TCP1: variants seen among roughly 807,000 people sequenced by gnomAD.
TCP1 encodes T-complex protein 1 subunit alpha.
In TCP1, 6 loss-of-function variants were observed where a neutral mutation model predicts 54.7. The ratio of observed to expected loss-of-function variants is 0.11; its 90% CI spans 0.06 to 0.22. The LOEUF (loss-of-function observed/expected upper bound fraction) is 0.22. Ranked by LOEUF, TCP1 falls within the 10% of genes least tolerant of loss-of-function variation. TCP1 has a pLI of 1.00. For synonymous variants in TCP1, 225 were observed against 229.7 expected (o/e 0.98, Z 0.19); for missense variants, 511 against 678.2 (o/e 0.75, Z 2.74).
Position 159,784,840 on chromosome 6 carries a change from C to T in TCP1, c.496G>A (p.Asp166Asn). The T allele has an allele frequency of 6.2e-7, 1 of 1,614,090 alleles. No homozygotes were observed. Among genetic ancestry groups the T allele is most frequent in the Non-Finnish European group, 8.5e-7 (1 of 1,180,032 alleles). The change falls in exon 6 of 12, where the codon GAT becomes AAT. Residue 166 changes from aspartate to asparagine, a missense_variant. Asp to Asn is a conservative substitution (Grantham distance 23). Around this residue, in one of 5 missense-constraint regions of TCP1, gnomAD observed 305 missense variants for 352.8 expected, o/e 0.86. Coordinates refer to ENST00000321394, the MANE Select transcript of TCP1 (RefSeq NM_030752.3). ...TCTACTACCATGTTAGCAAAGAAATCACCATTTCTACGCCAAAAGTTAAGG... is the reference window on the plus strand; with the variant it reads ...TCTACTACCATGTTAGCAAAGAAATTACCATTTCTACGCCAAAAGTTAAGG... ...MSSKIIGING[D>N]FFANMVVDAV...
rs2114994816 is a variant in TCP1, at chr6:159,784,694, A to G, written c.642T>C (p.Tyr214=). 2 of 1,614,114 alleles carry G rather than the reference A, an allele frequency of 1.2e-6. No individual in the cohort carries two copies. Among genetic ancestry groups the G allele is most frequent in the Non-Finnish European group, 1.7e-6 (2 of 1,179,966 alleles). ...SQMESMLISG[Y]ALNCVVGSQG... ...GGGATCCCACCACACAGTTGAGTGC[A>G]TAGCCACTGATGAGCATACTCTCCA... The change falls in exon 6 of 12, where the codon TAT becomes TAC. Residue 214 remains tyrosine, a synonymous_variant. Coordinates refer to ENST00000321394, the MANE Select transcript of TCP1 (RefSeq NM_030752.3).
In TCP1 at chr6:159,785,409, G is replaced by A; in HGVS notation, c.465C>T (p.Ser155=). 1.2e-6 allele frequency: 2 copies of A among 1,611,548 alleles called. No individual in the cohort carries two copies. The highest frequency in any genetic ancestry group is 2.2e-5 in the East Asian group (1 of 44,872). ...ACATTCCAATGATTTTGGAAGACAT[G>A]GATGTCTTAGCAGCATTAATCAGGC... ...RDCLINAAKT[S]MSSKIIGING... Residue 155 remains serine, a synonymous_variant, in exon 5 of 12, where the codon TCC becomes TCT. Transcript: ENST00000321394.
chr6:159,783,496 A>G (rs867782716), intron 7 of TCP1, among the ~76,000 whole-genome samples: 1 of 148,104 alleles, frequency 6.8e-6, no homozygotes, highest in Non-Finnish European at 1.5e-5. Flanking sequence ...TTGCCACCTC[A>G]GCCTCTCAAA....
intron 7 of TCP1, among the ~76,000 whole-genome samples, chr6:159,782,428 GA>G (rs1780598683): frequency 6.6e-6 from 1 of 152,020 alleles, no homozygotes; most frequent in Admixed American, 6.6e-5. Context: ...GAAGAAGAAA[GA>G]AAAGCTTCTC....
intron 9 of TCP1, 28 bp from the exon 10 acceptor site, chr6:159,780,115 T>C (rs1286168842): frequency 6.3e-7 from 1 of 1,580,000 alleles, no homozygotes; most frequent in African/African-American, 1.4e-5. Context: ...ACAATTCTTG[T>C]AATAGCATTT....
rs775278587 is a variant in TCP1, at chr6:159,779,311, G to A, written c.1455-50C>T. ...ACGGCCGCTTACAATTTCATTAGGT[G>A]GCCTATTAACTCCAGCATTTCATTC... is the stretch of plus-strand genomic sequence containing the variant. On this transcript the variant is annotated intron_variant, in intron 11 of 11. Transcript: ENST00000321394. 26 of 1,503,060 alleles carry A rather than the reference G, an allele frequency of 1.7e-5. No homozygotes were observed. In the South Asian group the frequency reaches 2.4e-4, roughly 14 times the overall value. The allele number at this position is 1,503,060 out of a possible 1,614,324, so 93.1% of individuals were successfully genotyped here. A position where few individuals can be genotyped will look rare whatever the true frequency, so the allele number is the denominator to read the frequency against.
intron 1 of TCP1, chr6:159,788,727 G>A (rs1017263337): frequency 6.5e-6 from 1 of 153,032 alleles, no homozygotes; most frequent in Non-Finnish European, 1.5e-5. Context: ...AGTCAACGGG[G>A]AAGGTGGTGA....
chr6:159,778,922 A>G lies in TCP1; in HGVS notation c.*123T>C. 1 of 1,576,820 alleles carries G rather than the reference A, an allele frequency of 6.3e-7. No individual in the cohort carries two copies. The highest frequency in any genetic ancestry group is 8.6e-7 in the Non-Finnish European group (1 of 1,157,298). On this transcript the variant is annotated 3_prime_UTR_variant, in exon 12 of 12. Coordinates refer to ENST00000321394, the MANE Select transcript of TCP1 (RefSeq NM_030752.3). Reference sequence around the variant, plus strand: ...AATCAGAGGACCAAAGTACAGATGGAAACCATTTCCTACATCACAAAAACC... The same window carrying G: ...AATCAGAGGACCAAAGTACAGATGGGAACCATTTCCTACATCACAAAAACC...
chr6:159,779,008 T>A lies in TCP1; in HGVS notation c.*37A>T, dbSNP rs771502553. On this transcript the variant is annotated 3_prime_UTR_variant, in exon 12 of 12. Transcript: ENST00000321394. ...TACTCAACTCAAGGTACAAGACAATTGCATTTAACATTGTTATAAATAAAA... is the reference window on the plus strand; with the variant it reads ...TACTCAACTCAAGGTACAAGACAATAGCATTTAACATTGTTATAAATAAAA... The A allele has an allele frequency of 1.3e-6, 2 of 1,594,764 alleles. No individual in the cohort carries two copies. Among genetic ancestry groups the A allele is most frequent in the Non-Finnish European group, 1.7e-6 (2 of 1,165,634 alleles).
intron 4 of TCP1, 37 bp from the exon 5 acceptor site, chr6:159,785,533 G>A (rs1780674809): frequency 6.8e-7 from 1 of 1,479,958 alleles, no homozygotes; most frequent in Non-Finnish European, 9.4e-7. Flanking sequence ...CGCTTATAAA[G>A]TCACTACTCA....
Position 159,778,829 on chromosome 6 carries a change from A to G in TCP1, c.*216T>C, listed in dbSNP as rs1031275056. ...TAGCAATGTGTGTTCAGAGAGAATG[A>G]ATTGCTTAAACTTTGAACAACCTCA... On this transcript the variant is annotated 3_prime_UTR_variant, in exon 12 of 12. Transcript: ENST00000321394. 3.1e-6 allele frequency: 5 copies of G among 1,614,042 alleles called. No individual in the cohort carries two copies. In the African/African-American group the frequency reaches 6.7e-5, roughly 22 times the overall value.
intron 3 of TCP1, among the ~76,000 whole-genome samples, chr6:159,786,558 A>G (rs1009972768): frequency 6.6e-6 from 1 of 152,272 alleles, no homozygotes; most frequent in African/African-American, 2.4e-5. Context: ...TTATTTAAAA[A>G]AGATAGTTCT....
At position 159,784,707 on chromosome 6, in the gene TCP1, A is replaced by C. The variant is rs764457269; in HGVS notation, c.629T>G (p.Leu210Arg). The change falls in exon 6 of 12, where the codon CTC (leucine) becomes CGC (arginine). Residue 210 changes from leucine to arginine, a missense_variant. Coordinates refer to ENST00000321394, the MANE Select transcript of TCP1 (RefSeq NM_030752.3). ...ACAGTTGAGTGCATAGCCACTGATG[A>C]GCATACTCTCCATTTGACTTCTCCC... The part of the protein sequence containing the change: ...AHGRSQMESM[L>R]ISGYALNCVV... The C allele has an allele frequency of 6.2e-7, 1 of 1,614,168 alleles. No homozygotes were observed. Among genetic ancestry groups the C allele is most frequent in the African/African-American group, 1.3e-5 (1 of 75,062 alleles).
intron 7 of TCP1, 146 bp from the exon 8 acceptor site, chr6:159,781,256 A>C: frequency 1.3e-6 from 1 of 776,504 alleles, no homozygotes; most frequent in Non-Finnish European, 1.9e-6. Context: ...AGTCCAATTC[A>C]TGGAAAATTT....
chr6:159,788,285 C>T (rs916659062), intron 1 of TCP1, 142 bp from the exon 2 acceptor site: 7 of 741,754 alleles, frequency 9.4e-6, no homozygotes, highest in African/African-American at 1.8e-5. Context: ...TATTTAAAAA[C>T]CACCTACTAA....
chr6:159,782,088 G>A (rs1356049195), intron 7 of TCP1, among the ~76,000 whole-genome samples: 1 of 152,176 alleles, frequency 6.6e-6, no homozygotes, highest in Non-Finnish European at 1.5e-5. Flanking sequence ...TTTGGGGGCA[G>A]GATGGGAAAT....
At chr6:159,787,154 T>A (rs1446010092) in intron 3 of TCP1, among the ~76,000 whole-genome samples, 2 of 151,682 alleles carry the variant, frequency 1.3e-5, no homozygotes. Context: ...TCTGGGAGGC[T>A]AAGGCAGGAG....
chr6:159,785,585 CGTAA>C, intron 4 of TCP1, 89 bp from the exon 5 acceptor site: 2 of 1,055,528 alleles, frequency 1.9e-6, no homozygotes, highest in Admixed American at 3.4e-5. Flanking sequence ...GCCAAAATGT[CGTAA>C]GTAATAATAT....
chr6:159,788,094 T>G lies in TCP1; in HGVS notation c.114A>C (p.Pro38=). 2 of 1,614,110 alleles carry G rather than the reference T, an allele frequency of 1.2e-6. No individual in the cohort carries two copies. Among genetic ancestry groups the G allele is most frequent in the Non-Finnish European group, 1.7e-6 (2 of 1,180,018 alleles). ...IANIVKSSLG[P]VGLDKMLVDD... ...CCACCAACATTTTATCCAAGCCAAC[T>G]GGACCAAGAGAACTTTTTACAATAT... Residue 38 remains proline, a synonymous_variant, in exon 2 of 12, where the codon CCA becomes CCC. Transcript: ENST00000321394.
Sources: gnomAD v4.1 joint callset for allele counts (sites outside exome capture counted in the v4.1 genomes callset) on GRCh38, gnomAD v4.1.1 for gene constraint, gnomAD v4.1.1 regional missense constraint, MANE v1.5 for transcripts, NCBI Gene and HGNC (gene_info 2026-07-23, HGNC 2026-07-21) for gene names.